The following RIMS1 variants were observed in gnomAD, a reference collection of about 807,000 sequenced individuals.
RIMS1 encodes regulating synaptic membrane exocytosis 1.
A neutral mutation model predicts 214.1 loss-of-function variants in RIMS1; 83 were observed. The ratio of observed to expected loss-of-function variants is 0.39; its 90% CI spans 0.32 to 0.47. The LOEUF (loss-of-function observed/expected upper bound fraction) is 0.47. Ranked by LOEUF, RIMS1 falls within the 20% of genes least tolerant of loss-of-function variation. The pLI, the probability that RIMS1 is intolerant of heterozygous loss-of-function variation, is 0.99. For synonymous variants in RIMS1, 793 were observed against 786.8 expected (o/e 1.01, Z -0.13); for missense variants, 2,050 against 2,161.8 (o/e 0.95, Z 1.03).
intron 6 of RIMS1, among the ~76,000 whole-genome samples, chr6:72,210,649 A>G (rs771312366): frequency 1.3e-5 from 2 of 152,224 alleles, no homozygotes; most frequent in South Asian, 4.1e-4. Flanking sequence ...CCCAAATTTA[A>G]GGAAGTGGTA....
intron 23 of RIMS1, among the ~76,000 whole-genome samples, chr6:72,276,385 T>A (rs1211873926): frequency 1.3e-5 from 2 of 152,162 alleles, no homozygotes; most frequent in Non-Finnish European, 2.9e-5. Context: ...GGGCATTGAT[T>A]AAGCAAAATG....
chr6:72,402,272 A>G lies in RIMS1; in HGVS notation c.*1558A>G, dbSNP rs979529692. On this transcript the variant is annotated 3_prime_UTR_variant, in exon 34 of 34. Transcript: ENST00000521978. ...TTGTACAGTTTGCTTGTTAATTACTATACCGAAATAACCAAGAAATCTAAG... is the reference window on the plus strand; with the variant it reads ...TTGTACAGTTTGCTTGTTAATTACTGTACCGAAATAACCAAGAAATCTAAG... 2 of 152,684 alleles carry G rather than the reference A, an allele frequency of 1.3e-5. No homozygotes were observed. The highest frequency in any genetic ancestry group is 4.8e-5 in the African/African-American group (2 of 41,464). 9.5% of individuals were successfully genotyped at this position (152,684 alleles called of 1,614,324 possible). A position where few individuals can be genotyped will look rare whatever the true frequency, so the allele number is the denominator to read the frequency against.
intron 2 of RIMS1, among the ~76,000 whole-genome samples, chr6:72,011,946 G>C (rs893256001): frequency 6.6e-6 from 1 of 152,172 alleles, no homozygotes; most frequent in Non-Finnish European, 1.5e-5. Flanking sequence ...TCTAGAACTA[G>C]AAATATCATT....
chr6:72,179,978 C>A, intron 5 of RIMS1, 63 bp downstream of exon 5: 1 of 1,149,100 alleles, frequency 8.7e-7, no homozygotes, highest in Non-Finnish European at 1.2e-6. Flanking sequence ...AAGCCGTTTT[C>A]AAGAATTTAA....
rs144550301 is a variant in RIMS1 at position 72,368,126 on chromosome 6, ATGCTTAACCAAC to A, written c.4367-22468_4367-22457del. On this transcript the variant is annotated intron_variant, in intron 29 of 33. Transcript: ENST00000521978. ...ATCTATTTGGTTTTATGCCATCATTATGCTTAACCAACTGCATAAAATGTCCTCTTATTTCTT... is the reference window on the plus strand; with the variant it reads ...ATCTATTTGGTTTTATGCCATCATTATGCATAAAATGTCCTCTTATTTCTT... 4.4e-3 allele frequency among the ~76,000 whole-genome samples: 673 copies of A among 152,140 alleles called. 2 individuals are homozygous for A. The highest frequency in any genetic ancestry group is 7.1e-3 in the Non-Finnish European group (484 of 67,978).
At chr6:72,106,931 C>T (rs982715279) in intron 4 of RIMS1, among the ~76,000 whole-genome samples, 1 of 152,142 alleles carries the variant, frequency 6.6e-6, no homozygotes, top group African/African-American at 2.4e-5. Context: ...TAACTACTAA[C>T]TTCTCTTAGT....
At chr6:72,266,664 A>G (rs1452258162) in intron 22 of RIMS1, among the ~76,000 whole-genome samples, 2 of 152,158 alleles carry the variant, frequency 1.3e-5, no homozygotes, top group African/African-American at 2.4e-5. Flanking sequence ...AATTTTGCTT[A>G]AAACTTTAAT....
intron 24 of RIMS1, among the ~76,000 whole-genome samples, chr6:72,285,924 A>G (rs1236972722): frequency 6.6e-6 from 1 of 152,096 alleles, no homozygotes; most frequent in African/African-American, 2.4e-5. Flanking sequence ...GAGTCTGGTC[A>G]TGGTGGCTCA....
At chr6:72,381,067 T>C (rs1179326505) in intron 29 of RIMS1, among the ~76,000 whole-genome samples, 1 of 152,226 alleles carries the variant, frequency 6.6e-6, no homozygotes, top group Admixed American at 6.5e-5. Flanking sequence ...AGAGCAGATA[T>C]TTATTTTCTT....
chr6:72,314,205 G>T (rs2095648833), intron 28 of RIMS1, among the ~76,000 whole-genome samples: 3 of 152,152 alleles, frequency 2.0e-5, no homozygotes, highest in Admixed American at 2.0e-4. Context: ...ATACCCTGCT[G>T]AAAGGGAAAA....
chr6:72,305,509 T>C (rs762266654), intron 26 of RIMS1, among the ~76,000 whole-genome samples: 1 of 152,122 alleles, frequency 6.6e-6, no homozygotes, highest in Non-Finnish European at 1.5e-5. Flanking sequence ...TCAAAGCAAA[T>C]GATTGAGCGT....
intron 6 of RIMS1, among the ~76,000 whole-genome samples, chr6:72,210,445 C>T (rs1420740179): frequency 2.0e-5 from 3 of 152,076 alleles, no homozygotes; most frequent in Non-Finnish European, 4.4e-5. Context: ...GTGATTGGGG[C>T]CCTTTTATTT....
intron 4 of RIMS1, among the ~76,000 whole-genome samples, chr6:72,133,937 G>A (rs1359946544): frequency 1.3e-5 from 2 of 152,136 alleles, no homozygotes; most frequent in African/African-American, 4.8e-5. Context: ...ATAACTTTAG[G>A]AAAATGATTT....
intron 2 of RIMS1, among the ~76,000 whole-genome samples, chr6:72,088,925 A>G (rs1482236130): frequency 6.6e-6 from 1 of 150,624 alleles, no homozygotes; most frequent in Non-Finnish European, 1.5e-5. Context: ...GAAGAGAGGG[A>G]AGGAGAGGTG....
At chr6:72,123,401 C>G (rs544590563) in intron 4 of RIMS1, among the ~76,000 whole-genome samples, 1 of 151,936 alleles carries the variant, frequency 6.6e-6, no homozygotes, top group Admixed American at 6.6e-5. Context: ...ACCATGTGGT[C>G]AGTTTTGGAA....
intron 6 of RIMS1, among the ~76,000 whole-genome samples, chr6:72,225,825 A>G (rs889656242): frequency 3.9e-5 from 6 of 152,210 alleles, no homozygotes; most frequent in African/African-American, 1.2e-4. Context: ...GTTGAAACAA[A>G]ACAAGTATCC....
At chr6:71,906,136 T>G (rs1775180057) in intron 1 of RIMS1, among the ~76,000 whole-genome samples, 1 of 152,154 alleles carries the variant, frequency 6.6e-6, no homozygotes, top group African/African-American at 2.4e-5. Flanking sequence ...TTCTGAAAAT[T>G]TTGGCATGGA....
chr6:72,170,140 T>A (rs1254517760), intron 4 of RIMS1, among the ~76,000 whole-genome samples: 1 of 152,200 alleles, frequency 6.6e-6, no homozygotes, highest in African/African-American at 2.4e-5. Flanking sequence ...TTTGCTGTTT[T>A]TACAGCCTGA....
intron 2 of RIMS1, among the ~76,000 whole-genome samples, chr6:72,033,786 T>G (rs553768039): frequency 6.6e-6 from 1 of 152,254 alleles, no homozygotes; most frequent in Admixed American, 6.5e-5. Context: ...CCGGCCATGT[T>G]CTTTATTTTG....
Sources: gnomAD v4.1 joint callset for allele counts (sites outside exome capture counted in the v4.1 genomes callset) on GRCh38, gnomAD v4.1.1 for gene constraint, MANE v1.5 for transcripts, NCBI Gene and HGNC (gene_info 2026-07-23, HGNC 2026-07-21) for gene names.